The following UVRAG variants were observed in gnomAD, a reference collection of about 807,000 sequenced individuals.
UVRAG encodes UV radiation resistance associated, also known as UV radiation resistance-associated gene protein.
In UVRAG, 19 loss-of-function variants were observed where a neutral mutation model predicts 78.0. The ratio of observed to expected loss-of-function variants is 0.24; its 90% CI spans 0.17 to 0.36. UVRAG has a LOEUF of 0.36. Ranked by LOEUF, UVRAG falls within the 10% of genes least tolerant of loss-of-function variation. The probability of loss-of-function intolerance (pLI) is 1.00; values close to 1 mark genes in which losing one functional copy is unlikely to be tolerated. For synonymous variants in UVRAG, 323 were observed against 324.6 expected (o/e 1.00, Z 0.05); for missense variants, 740 against 853.8 (o/e 0.87, Z 1.66).
intron 7 of UVRAG, among the ~76,000 whole-genome samples, chr11:75,967,542 A>C (rs937386960): frequency 1.3e-5 from 2 of 152,216 alleles, no homozygotes; most frequent in Non-Finnish European, 2.9e-5. Flanking sequence ...CTACAGGTGA[A>C]GATAAAATAT....
intron 2 of UVRAG, among the ~76,000 whole-genome samples, chr11:75,857,653 C>T (rs922827543): frequency 1.3e-5 from 2 of 152,102 alleles, no homozygotes; most frequent in Non-Finnish European, 2.9e-5. Flanking sequence ...CCACGCCCAG[C>T]TAATTTTTGT....
intron 7 of UVRAG, among the ~76,000 whole-genome samples, chr11:75,972,887 A>G (rs890471635): frequency 1.3e-5 from 2 of 152,208 alleles, no homozygotes; most frequent in Admixed American, 6.5e-5. Context: ...ATATTCTGCA[A>G]TCTTGCTATA....
intron 12 of UVRAG, among the ~76,000 whole-genome samples, chr11:76,050,081 T>C (rs1435193427): frequency 1.3e-5 from 2 of 152,238 alleles, no homozygotes; most frequent in African/African-American, 2.4e-5. Flanking sequence ...ATCATTGTTA[T>C]TGCTGTCATC....
intron 13 of UVRAG, among the ~76,000 whole-genome samples, chr11:76,112,777 A>T (rs1591251710): frequency 6.7e-6 from 1 of 148,834 alleles, no homozygotes; most frequent in African/African-American, 2.5e-5. Flanking sequence ...CGCAGGCTGG[A>T]GTGCAGTGGC....
chr11:75,889,341 G>A (rs1361896092), intron 5 of UVRAG, among the ~76,000 whole-genome samples: 2 of 152,198 alleles, frequency 1.3e-5, no homozygotes, highest in Non-Finnish European at 1.5e-5. Flanking sequence ...AAAGGGAAGC[G>A]AATTCACATT....
intron 6 of UVRAG, chr11:75,935,082 C>T (rs940014821): frequency 8.5e-5 from 13 of 152,130 alleles, no homozygotes; most frequent in African/African-American, 2.4e-4. Flanking sequence ...TGATGTAGGG[C>T]TGTATGATAC....
intron 13 of UVRAG, among the ~76,000 whole-genome samples, chr11:76,115,265 G>A (rs575166952): frequency 3.1e-4 from 47 of 152,304 alleles, no homozygotes; most frequent in Admixed American, 2.9e-3. Flanking sequence ...GGCAGATCTA[G>A]CCCACAAACC....
At chr11:75,916,157 A>G (rs1452635986) in intron 6 of UVRAG, 1 of 152,108 alleles carries the variant, frequency 6.6e-6, no homozygotes, top group Admixed American at 6.5e-5. Flanking sequence ...TGCCAGTTTA[A>G]TAAGTGGAAG....
At chr11:76,110,212 A>ATATATATATATATATG in intron 13 of UVRAG, among the ~76,000 whole-genome samples, 1 of 106,836 alleles carries the variant, frequency 9.4e-6, no homozygotes, top group Non-Finnish European at 1.7e-5. Flanking sequence ...TATCTGGTAC[A>ATATATATATATATATG]TATATATATA....
intron 12 of UVRAG, among the ~76,000 whole-genome samples, chr11:76,043,575 A>G (rs1950691353): frequency 6.6e-6 from 1 of 152,216 alleles, no homozygotes; most frequent in Non-Finnish European, 1.5e-5. Context: ...TGTCTCTAGT[A>G]GTATATTCAA....
chr11:75,852,347 A>G (rs1006091985), intron 2 of UVRAG, among the ~76,000 whole-genome samples: 1 of 152,152 alleles, frequency 6.6e-6, no homozygotes, highest in African/African-American at 2.4e-5. Flanking sequence ...ATTATGGTAA[A>G]ATAGGGACCT....
At chr11:76,075,377 G>A (rs1192168402) in intron 13 of UVRAG, among the ~76,000 whole-genome samples, 4 of 152,062 alleles carry the variant, frequency 2.6e-5, no homozygotes, top group African/African-American at 9.7e-5. Flanking sequence ...TTGGGAGGCC[G>A]AGGTGGGCGG....
chr11:75,931,797 C>CT lies in UVRAG; in HGVS notation c.593+19759dup, dbSNP rs541802598. On this transcript the variant is annotated intron_variant, in intron 6 of 14. Transcript: ENST00000356136. The stretch of plus-strand genomic sequence containing the variant: ...TACCTGCCACCTTCTCTCTCTCACT[C>CT]TACCTCTGTGTTTTTGTTAGCTATC... Among the ~76,000 whole-genome samples, 1,133 of 152,280 alleles carry CT rather than the reference C, an allele frequency of 7.4e-3. 7 individuals are homozygous for CT. Among genetic ancestry groups the CT allele is most frequent in the Non-Finnish European group, 0.012 (824 of 68,032 alleles).
chr11:75,896,660 T>C (rs1947350226), intron 5 of UVRAG, among the ~76,000 whole-genome samples: 1 of 152,208 alleles, frequency 6.6e-6, no homozygotes, highest in East Asian at 1.9e-4. Context: ...TGTAGTAGGC[T>C]CTCAGTAAAA....
chr11:76,127,155 C>T (rs549574193), intron 14 of UVRAG, among the ~76,000 whole-genome samples: 44 of 152,310 alleles, frequency 2.9e-4, no homozygotes, highest in African/African-American at 9.9e-4. Context: ...TTATTTTATA[C>T]ATCTCTTTAT....
chr11:75,919,092 A>C (rs1181761468), intron 6 of UVRAG, among the ~76,000 whole-genome samples: 1 of 152,238 alleles, frequency 6.6e-6, no homozygotes, highest in African/African-American at 2.4e-5. Flanking sequence ...TTTAACAGGA[A>C]AATGCTCACA....
Position 75,815,282 on chromosome 11 carries a change from G to A in UVRAG, c.-126G>A, listed in dbSNP as rs1291632184. On this transcript the variant is annotated 5_prime_UTR_variant, in exon 1 of 15. Transcript: ENST00000356136. ...GGCAGCGGCGGCGGCTACTGTCTGG[G>A]CTGAGCAGTAGTGCCTCTCGGGTGG... The A allele has an allele frequency of 3.9e-6, 2 of 509,128 alleles. No homozygotes were observed. Among genetic ancestry groups the A allele is most frequent in the Non-Finnish European group, 6.4e-6 (2 of 314,886 alleles). 31.5% of individuals were successfully genotyped at this position (509,128 alleles called of 1,614,324 possible).
At chr11:75,918,824 G>A (rs1056992665) in intron 6 of UVRAG, among the ~76,000 whole-genome samples, 2 of 152,094 alleles carry the variant, frequency 1.3e-5, no homozygotes, top group African/African-American at 4.8e-5. Context: ...TTTCCATCTG[G>A]TAAAATGAGA....
At chr11:75,924,801 A>T (rs772368587) in intron 6 of UVRAG, among the ~76,000 whole-genome samples, 3 of 152,216 alleles carry the variant, frequency 2.0e-5, no homozygotes, top group Non-Finnish European at 4.4e-5. Flanking sequence ...CAATTATGCT[A>T]CTAAGTTCAT....
Sources: allele counts gnomAD v4.1 joint callset (sites outside exome capture counted in the v4.1 genomes callset), GRCh38; gene constraint gnomAD v4.1.1; transcripts MANE v1.5; gene names NCBI Gene and HGNC (gene_info 2026-07-23, HGNC 2026-07-21).